INPP5F: variants seen among roughly 807,000 people sequenced by gnomAD.
INPP5F encodes inositol polyphosphate-5-phosphatase F.
A neutral mutation model predicts 137.2 loss-of-function variants in INPP5F; 97 were observed. That is an observed-to-expected ratio of 0.71 (90% confidence interval 0.60 to 0.84). The LOEUF is 0.84. INPP5F is among the 40% of genes least tolerant of loss of function. The pLI, the probability that INPP5F is intolerant of heterozygous loss-of-function variation, is 0.00. For synonymous variants in INPP5F, 504 were observed against 476.9 expected, an observed-to-expected ratio of 1.06 and a Z score of -0.74; for missense variants, 1,271 against 1,371.9, an observed-to-expected ratio of 0.93 and a Z score of 1.16.
chr10:119,740,380 G>C (rs1297087847), intron 1 of INPP5F, among the ~76,000 whole-genome samples: 2 of 152,160 alleles, frequency 1.3e-5, no homozygotes, highest in Admixed American at 6.5e-5. Context: ...CAGAGCTGCA[G>C]GTCAATGTTT....
chr10:119,746,148 CA>C (rs1277288994), intron 1 of INPP5F, among the ~76,000 whole-genome samples: 2 of 152,194 alleles, frequency 1.3e-5, no homozygotes, highest in African/African-American at 4.8e-5. Context: ...TAACGTGATA[CA>C]GTGTCTGGTT....
At chr10:119,749,322 C>T (rs771742345) in intron 1 of INPP5F, among the ~76,000 whole-genome samples, 22 of 152,226 alleles carry the variant, frequency 1.4e-4, no homozygotes, top group South Asian at 4.1e-4. Flanking sequence ...CCATGGAGGG[C>T]GCAGCCCTGG....
At position 119,822,438 on chromosome 10, in the gene INPP5F, G is replaced by T; in HGVS notation, c.1966G>T (p.Asp656Tyr). ...TCATTTCCTTTTATCTAGTTATGAT[G>T]ATGAAGTTGATAAAGTAAACCAGTA... is the stretch of plus-strand genomic sequence containing the variant. ...NSAYYVAYYD[D>Y]EVDKVNQYQR... The change falls in exon 17 of 20, where the codon GAT becomes TAT. Residue 656 changes from aspartate (D) to tyrosine (Y), a missense_variant. By Grantham distance (160) the Asp-to-Tyr change is radical. Transcript: ENST00000650623. 6.7e-7 allele frequency: 1 copy of T among 1,493,142 alleles called. No homozygotes were observed. The highest frequency in any genetic ancestry group is 9.2e-7 in the Non-Finnish European group (1 of 1,089,874). 92.5% of individuals were successfully genotyped at this position (1,493,142 alleles called of 1,614,324 possible). A position where few individuals can be genotyped will look rare whatever the true frequency, so the allele number is the denominator to read the frequency against.
At chr10:119,797,886 A>C (rs1850440079) in intron 8 of INPP5F, among the ~76,000 whole-genome samples, 1 of 152,228 alleles carries the variant, frequency 6.6e-6, no homozygotes, top group Non-Finnish European at 1.5e-5. Context: ...GAGATTTTAA[A>C]TTGCTATCGC....
chr10:119,776,093 T>C (rs1183930732), intron 2 of INPP5F, among the ~76,000 whole-genome samples: 1 of 152,326 alleles, frequency 6.6e-6, no homozygotes, highest in East Asian at 1.9e-4. Context: ...CTAAGTATTA[T>C]GCTTTGAAGT....
chr10:119,745,522 G>A (rs544592506), intron 1 of INPP5F, among the ~76,000 whole-genome samples: 1 of 151,818 alleles, frequency 6.6e-6, no homozygotes, highest in East Asian at 1.9e-4. Flanking sequence ...AGTTCACTAG[G>A]TGTTGATGTA....
chr10:119,771,857 TATATATATATATATATATATA>T, intron 2 of INPP5F, among the ~76,000 whole-genome samples: 1 of 8,776 alleles, frequency 1.1e-4, no homozygotes, highest in African/African-American at 3.6e-4. Context: ...TATATATATA[TATATATATATATATATATATA>T]TATATTTTTT....
intron 1 of INPP5F, among the ~76,000 whole-genome samples, chr10:119,736,107 G>A (rs1205374619): frequency 6.6e-6 from 1 of 152,172 alleles, no homozygotes; most frequent in Admixed American, 6.5e-5. Flanking sequence ...TCTTGTTTTT[G>A]AAAGTGATAT....
chr10:119,729,002 T>G (rs1385781497), intron 1 of INPP5F, among the ~76,000 whole-genome samples: 7 of 152,234 alleles, frequency 4.6e-5, no homozygotes, highest in Non-Finnish European at 1.0e-4. Flanking sequence ...TTTAGAGTAC[T>G]TAGGACAGAG....
chr10:119,824,334 T>G (rs1392641381), intron 19 of INPP5F, among the ~76,000 whole-genome samples: 1 of 152,222 alleles, frequency 6.6e-6, no homozygotes, highest in Admixed American at 6.5e-5. Flanking sequence ...TAGTTTAATG[T>G]TATTTCCTCA....
At chr10:119,785,024 A>T (rs1304523750) in intron 3 of INPP5F, among the ~76,000 whole-genome samples, 2 of 152,202 alleles carry the variant, frequency 1.3e-5, no homozygotes, top group African/African-American at 4.8e-5. Flanking sequence ...TGCCAGTTGT[A>T]GTGTGTAGCA....
At chr10:119,736,217 C>G (rs1417491808) in intron 1 of INPP5F, among the ~76,000 whole-genome samples, 1 of 152,128 alleles carries the variant, frequency 6.6e-6, no homozygotes, top group African/African-American at 2.4e-5. Flanking sequence ...GAATGCATCA[C>G]CCAAGGATTT....
Position 119,796,834 on chromosome 10 carries a change from T to C in INPP5F, c.789T>C (p.Pro263=), listed in dbSNP as rs768169121. The C allele has an allele frequency of 8.7e-6, 14 of 1,613,636 alleles. No homozygotes were observed. The African/African-American group carries it at 1.6e-4, about 18-fold the overall frequency. Residue 263 remains proline (P), a synonymous_variant, in exon 7 of 20, where the codon CCT becomes CCC. Transcript: ENST00000650623. ...DDEKSSPETP[P]QESTCVDDIH... is the part of the protein sequence containing the mutation. ...AGAAAAGCAGCCCAGAGACCCCCCC[T>C]CAGGAGTCCACCTGTGTAGATGATA...
chr10:119,761,816 C>A (rs1849018226), intron 2 of INPP5F, among the ~76,000 whole-genome samples: 1 of 152,070 alleles, frequency 6.6e-6, no homozygotes, highest in Non-Finnish European at 1.5e-5. Flanking sequence ...TACATTCATA[C>A]CAAAGATTTG....
intron 1 of INPP5F, among the ~76,000 whole-genome samples, chr10:119,743,227 G>C (rs975122954): frequency 6.6e-6 from 1 of 152,152 alleles, no homozygotes; most frequent in East Asian, 1.9e-4. Context: ...TCCTTCCAGC[G>C]TGATTCTGTG....
chr10:119,732,580 A>T (rs779045557), intron 1 of INPP5F, among the ~76,000 whole-genome samples: 1 of 142,536 alleles, frequency 7.0e-6, no homozygotes, highest in South Asian at 2.2e-4. Flanking sequence ...GCTCATTGCA[A>T]CCTCTGCCTC....
intron 2 of INPP5F, among the ~76,000 whole-genome samples, chr10:119,770,191 C>T (rs530155848): frequency 1.8e-4 from 27 of 152,094 alleles, no homozygotes; most frequent in African/African-American, 6.0e-4. Context: ...GGAAGAGGCA[C>T]GGTTACAAAA....
chr10:119,820,850 A>G lies in INPP5F; in HGVS notation c.1891A>G (p.Ile631Val). The change falls in exon 16 of 20, where the codon ATT becomes GTT. Residue 631 changes from isoleucine (I) to valine (V), a missense_variant. Physicochemically the swap from Ile to Val is conservative, Grantham distance 29. Transcript: ENST00000650623. Reference sequence around the variant, plus strand: ...TCCTGTGTCATATTTGTTTAGCCTCATTGATGCTACTCACAGAGACGTGGA... The same window carrying G: ...TCCTGTGTCATATTTGTTTAGCCTCGTTGATGCTACTCACAGAGACGTGGA... The part of the protein sequence containing the change: ...WALIDCDPSL[I>V]DATHRDVDVL... 1 of 1,608,050 alleles carries G rather than the reference A, an allele frequency of 6.2e-7. No homozygotes were observed. Among genetic ancestry groups the G allele is most frequent in the South Asian group, 1.1e-5 (1 of 90,936 alleles).
intron 1 of INPP5F, among the ~76,000 whole-genome samples, chr10:119,735,664 G>A (rs1439036282): frequency 1.3e-5 from 2 of 152,190 alleles, no homozygotes; most frequent in East Asian, 1.9e-4. Context: ...CGGGAGTTGA[G>A]CAGAGTAACA....
Sources: allele counts gnomAD v4.1 joint callset (sites outside exome capture counted in the v4.1 genomes callset), GRCh38; gene constraint gnomAD v4.1.1; transcripts MANE v1.5; gene names NCBI Gene and HGNC (gene_info 2026-07-23, HGNC 2026-07-21).